The following KCNIP1 variants were observed in gnomAD, a reference collection of about 807,000 sequenced individuals.
The protein encoded by KCNIP1 is A-type potassium channel modulatory protein KCNIP1.
KCNIP1 carries 18 observed loss-of-function variants against 33.0 expected under a neutral mutation model. That is an observed-to-expected ratio of 0.55 (90% CI 0.38 to 0.81). The LOEUF is 0.81. Among genes scored for constraint, KCNIP1 ranks in the 30% least tolerant of loss-of-function variants. The probability of loss-of-function intolerance (pLI) is 0.00; values close to 1 mark genes in which losing one functional copy is unlikely to be tolerated. For missense variants in KCNIP1, 238 were observed against 271.6 expected (o/e 0.88, Z 0.87); for synonymous variants, 93 against 98.3 (o/e 0.95, Z 0.32).
intron 1 of KCNIP1, among the ~76,000 whole-genome samples, chr5:170,506,563 C>T (rs1349310333): frequency 6.6e-6 from 1 of 152,172 alleles, no homozygotes; most frequent in East Asian, 1.9e-4. Flanking sequence ...GGATGAATTC[C>T]TGCAGGATTC....
chr5:170,677,233 G>T (rs908790097), intron 1 of KCNIP1, among the ~76,000 whole-genome samples: 3 of 152,032 alleles, frequency 2.0e-5, no homozygotes, highest in Admixed American at 1.3e-4. Flanking sequence ...AGAAAACTTA[G>T]GCACAGAGAA....
At chr5:170,682,892 G>C (rs1345392851) in intron 1 of KCNIP1, among the ~76,000 whole-genome samples, 1 of 138,338 alleles carries the variant, frequency 7.2e-6, no homozygotes, top group Non-Finnish European at 1.5e-5. Context: ...GCCTCCCAAA[G>C]TGCTGGGATT....
At chr5:170,730,703 T>C (rs1463732067) in intron 5 of KCNIP1, among the ~76,000 whole-genome samples, 3 of 152,212 alleles carry the variant, frequency 2.0e-5, no homozygotes, top group African/African-American at 4.8e-5. Flanking sequence ...TACTAGTACC[T>C]AGACTTTGAT....
chr5:170,602,239 C>T (rs1161091110), intron 1 of KCNIP1, among the ~76,000 whole-genome samples: 1 of 152,170 alleles, frequency 6.6e-6, no homozygotes, highest in Non-Finnish European at 1.5e-5. Context: ...CTGATCTGGT[C>T]CTCCCACCTT....
intron 1 of KCNIP1, among the ~76,000 whole-genome samples, chr5:170,388,966 C>T (rs1764597456): frequency 1.3e-5 from 2 of 152,184 alleles, no homozygotes; most frequent in Non-Finnish European, 2.9e-5. Context: ...ACCTCTCTAC[C>T]GGTGACAAGT....
chr5:170,544,257 T>TAAC (rs1352523813), intron 1 of KCNIP1, among the ~76,000 whole-genome samples: 2 of 151,832 alleles, frequency 1.3e-5, no homozygotes, highest in African/African-American at 2.4e-5. Context: ...CTACTAAAAA[T>TAAC]AATAATAATA....
At chr5:170,720,195 G>A in intron 2 of KCNIP1, 126 bp from the exon 3 acceptor site, 1 of 682,368 alleles carries the variant, frequency 1.5e-6, no homozygotes, top group Non-Finnish European at 2.6e-6. Flanking sequence ...CTACTTGGGA[G>A]AAGTGGAAAT....
At chr5:170,715,182 AAC>A (rs1483186324) in intron 1 of KCNIP1, among the ~76,000 whole-genome samples, 4 of 152,250 alleles carry the variant, frequency 2.6e-5, no homozygotes, top group Non-Finnish European at 5.9e-5. Context: ...TCAGTACAAT[AAC>A]ACACTGTACA....
chr5:170,567,495 A>C (rs1031194292), intron 1 of KCNIP1, among the ~76,000 whole-genome samples: 1 of 152,216 alleles, frequency 6.6e-6, no homozygotes, highest in Non-Finnish European at 1.5e-5. Context: ...AGGATCATAG[A>C]GGAGATCAGG....
At chr5:170,661,728 T>A (rs140972273) in intron 1 of KCNIP1, among the ~76,000 whole-genome samples, 38 of 152,306 alleles carry the variant, frequency 2.5e-4, no homozygotes, top group African/African-American at 8.9e-4. Flanking sequence ...AATCATATCA[T>A]TCACACCTAC....
rs576801609 is a variant in KCNIP1, at chr5:170,637,564, C to T, written c.62-81194C>T. 2.8e-4 allele frequency among the ~76,000 whole-genome samples: 43 copies of T among 152,268 alleles called. No individual in the cohort carries two copies. The South Asian group carries it at 7.7e-3, about 27-fold the overall frequency. ...TTCCCTCAGATCTGACGGCTCCATC[C>T]CATAAACGTGGCACACACACACCTG... On this transcript the variant is annotated intron_variant, in intron 1 of 7. Coordinates refer to ENST00000328939, the MANE Select transcript of KCNIP1 (RefSeq NM_014592.4).
intron 1 of KCNIP1, among the ~76,000 whole-genome samples, chr5:170,465,529 T>C (rs1756590661): frequency 6.6e-6 from 1 of 152,234 alleles, no homozygotes. Context: ...TACCAAGTAC[T>C]GTGCTAGGTT....
At chr5:170,505,853 A>G (rs1754695578) in intron 1 of KCNIP1, among the ~76,000 whole-genome samples, 1 of 152,176 alleles carries the variant, frequency 6.6e-6, no homozygotes, top group Admixed American at 6.5e-5. Flanking sequence ...TGGCATTTAC[A>G]TCCTAGAACA....
chr5:170,469,870 G>A (rs1292787980), intron 1 of KCNIP1, among the ~76,000 whole-genome samples: 1 of 152,162 alleles, frequency 6.6e-6, no homozygotes, highest in African/African-American at 2.4e-5. Flanking sequence ...TACTCTTGCA[G>A]AATGAATGTC....
At position 170,722,808 on chromosome 5, in the gene KCNIP1, C is replaced by G; in HGVS notation, c.423C>G (p.Tyr141Ter). The stretch of plus-strand genomic sequence containing the variant: ...TGTATGACATCAACAAGGACGGATA[C>G]ATAAACAAAGAGGTAAGTGAGCTGG... ...FNLYDINKDGYINKEEMMDIV... is the reference protein window; with the variant it reads ...FNLYDINKDG The change falls in exon 5 of 8, where the codon TAC becomes TAG. Residue 141 changes from tyrosine to a stop codon, truncating the protein, a stop_gained. Coordinates refer to ENST00000328939, the MANE Select transcript of KCNIP1 (RefSeq NM_014592.4). LOFTEE classifies it high-confidence loss of function. 6.2e-7 allele frequency: 1 copy of G among 1,610,924 alleles called. No individual in the cohort carries two copies. Among genetic ancestry groups the G allele is most frequent in the Non-Finnish European group, 8.5e-7 (1 of 1,177,270 alleles).
chr5:170,549,648 C>T (rs1472008309), intron 1 of KCNIP1, among the ~76,000 whole-genome samples: 1 of 152,172 alleles, frequency 6.6e-6, no homozygotes, highest in East Asian at 1.9e-4. Context: ...AACACTAGAC[C>T]ATGAAAAGTC....
At chr5:170,505,646 G>A (rs1228801014) in intron 1 of KCNIP1, among the ~76,000 whole-genome samples, 1 of 152,196 alleles carries the variant, frequency 6.6e-6, no homozygotes, top group Admixed American at 6.5e-5. Context: ...GGGACCCCAA[G>A]TGAACAATAA....
chr5:170,498,713 G>A (rs1043550965), intron 1 of KCNIP1, among the ~76,000 whole-genome samples: 1 of 152,204 alleles, frequency 6.6e-6, no homozygotes, highest in African/African-American at 2.4e-5. Flanking sequence ...ATGAATGAAT[G>A]ATCCAATGAG....
intron 1 of KCNIP1, among the ~76,000 whole-genome samples, chr5:170,638,766 GT>G (rs1760401057): frequency 6.6e-6 from 1 of 152,212 alleles, no homozygotes; most frequent in East Asian, 1.9e-4. Flanking sequence ...AACAAGTCAT[GT>G]GGCCATTGCC....
Sources: allele counts gnomAD v4.1 joint callset (sites outside exome capture counted in the v4.1 genomes callset), GRCh38; gene constraint gnomAD v4.1.1; transcripts MANE v1.5; gene names NCBI Gene and HGNC (gene_info 2026-07-23, HGNC 2026-07-21).